The following SLC12A3 variants were observed in gnomAD, a reference collection of about 807,000 sequenced individuals.
SLC12A3 encodes Na-Cl cotransporter.
A neutral mutation model predicts 121.0 loss-of-function variants in SLC12A3; 104 were observed. That is an observed-to-expected ratio of 0.86 (90% CI 0.73 to 1.01). SLC12A3 has a LOEUF of 1.01. Ranked by LOEUF, SLC12A3 falls within the 50% of genes least tolerant of loss-of-function variation. The pLI, the probability that SLC12A3 is intolerant of heterozygous loss-of-function variation, is 0.00. For synonymous variants in SLC12A3, 536 were observed against 533.4 expected (o/e 1.00, Z -0.07); for missense variants, 1,328 against 1,356.3 (o/e 0.98, Z 0.33).
intron 24 of SLC12A3, 83 bp downstream of exon 24, chr16:56,902,591 C>G: frequency 6.5e-7 from 1 of 1,544,060 alleles, no homozygotes; most frequent in Non-Finnish European, 8.8e-7. Flanking sequence ...CTCCCCCAGC[C>G]CCTCCCCTCG....
chr16:56,868,522 C>A, intron 3 of SLC12A3, 150 bp downstream of exon 3: 1 of 793,658 alleles, frequency 1.3e-6, no homozygotes, highest in South Asian at 1.5e-5. Context: ...CTCCCTGGTT[C>A]AGTCTCAGGC....
intron 25 of SLC12A3, among the ~76,000 whole-genome samples, chr16:56,912,403 A>G (rs1422211828): frequency 6.6e-6 from 1 of 152,206 alleles, no homozygotes; most frequent in Non-Finnish European, 1.5e-5. Context: ...CAGTTAAGAC[A>G]AGGGGCCTCC....
intron 25 of SLC12A3, among the ~76,000 whole-genome samples, chr16:56,911,707 T>G (rs4567697): frequency 0.63 from 95,688 of 152,028 alleles, 31,364 homozygotes; most frequent in African/African-American, 0.83. Context: ...AGCTGTTTAG[T>G]ATCCCAGTTA....
chr16:56,886,942 C>T lies in SLC12A3; in HGVS notation c.2038-11C>T, dbSNP rs374733639. 133 of 1,612,334 alleles carry T rather than the reference C, an allele frequency of 8.2e-5. No homozygotes were observed. Among genetic ancestry groups the T allele is most frequent in the Admixed American group, 3.3e-4 (20 of 59,982 alleles). ...GCAGCTGGTGATGTCCCCTGCCCCT[C>T]CCACCCACAGGGACCCCACAAGCAG... is the stretch of plus-strand genomic sequence containing the variant. On this transcript the variant is annotated splice_polypyrimidine_tract_variant and intron_variant, in intron 16 of 25. Coordinates refer to ENST00000563236, the MANE Select transcript of SLC12A3 (RefSeq NM_001126108.2).
At chr16:56,908,161 C>CTT (rs55644914) in intron 25 of SLC12A3, among the ~76,000 whole-genome samples, 1,360 of 96,908 alleles carry the variant, frequency 0.014, 83 homozygotes, top group African/African-American at 0.039. Context: ...AGTGATATAA[C>CTT]TTTTTTTTTT....
Position 56,886,380 on chromosome 16 carries a change from C to A in SLC12A3, c.1942C>A (p.Leu648Ile). ...CCTCCTCAGCCCCCAGTGCCTGGTG[C>A]TCACGGGGCCCCCCAACTTCCGCCC... The part of the protein sequence containing the change: ...IKNYRPQCLV[L>I]TGPPNFRPAL... Residue 648 changes from leucine to isoleucine, a missense_variant, in exon 16 of 26, where the codon CTC becomes ATC. Physicochemically the swap from Leu to Ile is conservative, Grantham distance 5. Coordinates refer to ENST00000563236, the MANE Select transcript of SLC12A3 (RefSeq NM_001126108.2). 1 of 1,614,004 alleles carries A rather than the reference C, an allele frequency of 6.2e-7. No homozygotes were observed. The highest frequency in any genetic ancestry group is 1.1e-5 in the South Asian group (1 of 91,090).
At chr16:56,872,937 T>C in intron 8 of SLC12A3, 151 bp downstream of exon 8, 1 of 974,612 alleles carries the variant, frequency 1.0e-6, no homozygotes, top group Non-Finnish European at 1.6e-6. Context: ...TTCAACCCAA[T>C]CCAACCGATT....
At chr16:56,892,601 C>T (rs2144742908) in intron 20 of SLC12A3, among the ~76,000 whole-genome samples, 1 of 152,280 alleles carries the variant, frequency 6.6e-6, no homozygotes, top group East Asian at 1.9e-4. Context: ...CCTTCGTCCT[C>T]TCCCACCATC....
chr16:56,887,805 T>A lies in SLC12A3; in HGVS notation c.2179-120T>A, dbSNP rs1214126415. On this transcript the variant is annotated intron_variant, in intron 17 of 25. Transcript: ENST00000563236. ...ATATATATATATATATATATTTTTTTTTTTTTTTTTTTTGAGAATCAGCAC... is the reference window on the plus strand; with the variant it reads ...ATATATATATATATATATATTTTTTATTTTTTTTTTTTTGAGAATCAGCAC... 6.8e-4 allele frequency: 117 copies of A among 171,014 alleles called. 1 individual carries two copies. The highest frequency in any genetic ancestry group is 3.1e-3 in the African/African-American group (108 of 35,318). The allele number at this position is 171,014 out of a possible 1,614,324, so 10.6% of individuals were successfully genotyped here. A position where few individuals can be genotyped will look rare whatever the true frequency, so the allele number is the denominator to read the frequency against.
At chr16:56,887,789 TATATA>T (rs2055334996) in intron 17 of SLC12A3, 131 bp from the exon 18 acceptor site, 1 of 107,920 alleles carries the variant, frequency 9.3e-6, no homozygotes, top group Non-Finnish European at 1.9e-5. Context: ...TATATATATA[TATATA>T]TATATTTTTT....
chr16:56,870,541 C>T (rs1596892070), intron 5 of SLC12A3, 85 bp from the exon 6 acceptor site: 2 of 931,502 alleles, frequency 2.1e-6, no homozygotes, highest in Middle Eastern at 2.2e-4. Context: ...GTGCACCGCA[C>T]AGGAGGTGCC....
In SLC12A3 at chr16:56,865,225, C is replaced by A. The variant is rs1387709549; in HGVS notation, c.-11C>A. ...GCGGATCCTGGCCCCTCCCTGGACA[C>A]CCAGGCGACAATGGCAGAACTGCCC... On this transcript the variant is annotated 5_prime_UTR_variant, in exon 1 of 26. Transcript: ENST00000563236. The A allele has an allele frequency of 1.2e-6, 2 of 1,613,166 alleles. No individual in the cohort carries two copies. The highest frequency in any genetic ancestry group is 1.7e-6 in the Non-Finnish European group (2 of 1,179,940).
At chr16:56,881,449 G>C (rs1320845795) in intron 12 of SLC12A3, among the ~76,000 whole-genome samples, 2 of 152,128 alleles carry the variant, frequency 1.3e-5, no homozygotes, top group Admixed American at 6.6e-5. Context: ...TCATCTGGGG[G>C]GGGGTCTGAC....
chr16:56,888,500 G>A (rs1234335936), intron 18 of SLC12A3, among the ~76,000 whole-genome samples: 1 of 151,590 alleles, frequency 6.6e-6, no homozygotes, highest in Non-Finnish European at 1.5e-5. Flanking sequence ...TGCAGAATGG[G>A]CTCTAGTGCC....
At position 56,886,836 on chromosome 16, in the gene SLC12A3, A is replaced by G. The variant is rs564927822; in HGVS notation, c.2038-117A>G. 175 of 1,392,116 alleles carry G rather than the reference A, an allele frequency of 1.3e-4. No individual in the cohort carries two copies. In the East Asian group the frequency reaches 4.1e-3, roughly 33 times the overall value. 86.2% of individuals were successfully genotyped at this position (1,392,116 alleles called of 1,614,324 possible). ...GTTTTCCCTTATCTGGGCAAAAGAA[A>G]AGGGCACCGTGGGTGCTGCCAAGCC... On this transcript the variant is annotated intron_variant, in intron 16 of 25. Coordinates refer to ENST00000563236, the MANE Select transcript of SLC12A3 (RefSeq NM_001126108.2).
At chr16:56,879,479 C>T in intron 10 of SLC12A3, 63 bp from the exon 11 acceptor site, 1 of 1,380,442 alleles carries the variant, frequency 7.2e-7, no homozygotes, top group Non-Finnish European at 1.0e-6. Flanking sequence ...GAATGAAGTG[C>T]CACAGATGGG....
rs779045604 is a variant in SLC12A3, at chr16:56,878,172, G to A, written c.1180+11G>A. 1.3e-5 allele frequency: 21 copies of A among 1,603,212 alleles called. No individual in the cohort carries two copies. In the Admixed American group the frequency reaches 1.3e-4, roughly 10 times the overall value. On this transcript the variant is annotated intron_variant, in intron 9 of 25. Transcript: ENST00000563236. Reference sequence around the variant, plus strand: ...TCTCAGCCACCATTGGTAAGTGGCCGGCCCAGCCAGTCAGGAGGGGGAGGG... The same window carrying A: ...TCTCAGCCACCATTGGTAAGTGGCCAGCCCAGCCAGTCAGGAGGGGGAGGG...
chr16:56,884,090 C>T lies in SLC12A3; in HGVS notation c.1711C>T (p.Leu571=), dbSNP rs746279473. Residue 571 remains leucine (L), a synonymous_variant, in exon 14 of 26, where the codon CTG becomes TTG. Coordinates refer to ENST00000563236, the MANE Select transcript of SLC12A3 (RefSeq NM_001126108.2). ...CCAATACTACAACAAGTGGGCGGCG[C>T]TGTTTGGGGCTATCATCTCCGTGGT... is the stretch of plus-strand genomic sequence containing the variant. ...SFQYYNKWAA[L]FGAIISVVIM... is the part of the protein sequence containing the mutation. 6.2e-7 allele frequency: 1 copy of T among 1,614,234 alleles called. No homozygotes were observed. Among genetic ancestry groups the T allele is most frequent in the Admixed American group, 1.7e-5 (1 of 60,034 alleles).
intron 15 of SLC12A3, 51 bp downstream of exon 15, chr16:56,885,415 C>T (rs1185234447): frequency 5.0e-6 from 6 of 1,207,360 alleles, no homozygotes; most frequent in Non-Finnish European, 4.8e-6. Flanking sequence ...AGTGATGGCT[C>T]CACCCTGGGA....
Sources: gnomAD v4.1 joint callset for allele counts (sites outside exome capture counted in the v4.1 genomes callset) on GRCh38, gnomAD v4.1.1 for gene constraint, MANE v1.5 for transcripts, NCBI Gene and HGNC (gene_info 2026-07-23, HGNC 2026-07-21) for gene names.